Variants in KLHL32 observed in about 807,000 individuals in gnomAD.
KLHL32 encodes the protein kelch like family member 32, also known as kelch-like protein 32.
A neutral mutation model predicts 64.8 loss-of-function variants in KLHL32; 35 were observed. That is an observed-to-expected ratio of 0.54 (90% CI 0.41 to 0.72). KLHL32 has a LOEUF of 0.72. KLHL32 is among the 30% of genes least tolerant of loss of function. KLHL32 has a pLI of 0.00. For missense variants in KLHL32, 589 were observed against 768.5 expected (o/e 0.77, Z 2.76); for synonymous variants, 259 against 281.0 (o/e 0.92, Z 0.78).
At chr6:97,100,799 C>CTTTTTTTTTT (rs763909891) in intron 6 of KLHL32, among the ~76,000 whole-genome samples, 4 of 96,270 alleles carry the variant, frequency 4.2e-5, no homozygotes, top group East Asian at 3.1e-4. Flanking sequence ...GCTCATTATT[C>CTTTTTTTTTT]TTTTTTTTTT....
At chr6:96,918,656 A>AG in the KLHL32 span, among the ~76,000 whole-genome samples, 1 of 152,230 alleles carries the variant, frequency 6.6e-6, no homozygotes, top group African/African-American at 2.4e-5. Flanking sequence ...TTCCATGATA[A>AG]GTGGCCTAAA....
At chr6:96,988,773 C>A (rs1777454556) in intron 3 of KLHL32, among the ~76,000 whole-genome samples, 3 of 152,118 alleles carry the variant, frequency 2.0e-5, no homozygotes, top group Non-Finnish European at 4.4e-5. Flanking sequence ...ACTATGCAAC[C>A]ATAAAAAAGG....
At chr6:97,056,097 TTTTTTTTTC>T (rs549395058) in intron 4 of KLHL32, among the ~76,000 whole-genome samples, 11,642 of 126,664 alleles carry the variant, frequency 0.092, 572 homozygotes, top group African/African-American at 0.14. Flanking sequence ...TTTTTTTTTC[TTTTTTTTTC>T]TTTTTTTTTT....
At chr6:97,016,235 T>C (rs1781172426) in intron 3 of KLHL32, among the ~76,000 whole-genome samples, 1 of 152,208 alleles carries the variant, frequency 6.6e-6, no homozygotes, top group Non-Finnish European at 1.5e-5. Flanking sequence ...ACTGACAGCT[T>C]GCACTGTGTG....
chr6:97,023,238 G>GT (rs1478059834), intron 3 of KLHL32, among the ~76,000 whole-genome samples: 2 of 152,280 alleles, frequency 1.3e-5, no homozygotes, highest in Non-Finnish European at 2.9e-5. Flanking sequence ...CACAATTTAG[G>GT]TTTTTTAAAA....
intron 3 of KLHL32, among the ~76,000 whole-genome samples, chr6:97,016,640 G>A (rs1180358207): frequency 1.3e-5 from 2 of 152,184 alleles, no homozygotes; most frequent in African/African-American, 4.8e-5. Context: ...GTTGGATTGA[G>A]TTAAGACTTT....
intron 4 of KLHL32, among the ~76,000 whole-genome samples, chr6:97,045,203 C>G (rs1785740792): frequency 1.3e-5 from 2 of 152,152 alleles, no homozygotes; most frequent in Admixed American, 1.3e-4. Context: ...ATCACAAATT[C>G]AAGATTAGCC....
At chr6:96,932,850 T>A (rs1333298117) in intron 1 of KLHL32, among the ~76,000 whole-genome samples, 1 of 152,130 alleles carries the variant, frequency 6.6e-6, no homozygotes, top group East Asian at 1.9e-4. Context: ...GAATTAGAGA[T>A]CTGAGCCACT....
rs1261937136 is a variant in KLHL32 at position 97,132,644 on chromosome 6, T to G, written c.1607-9T>G. ...TTTTTTTCTTTTTATTCAATTCTCT[T>G]TACTTTAGGCCAAAATGAATCTGGA... On this transcript the variant is annotated splice_polypyrimidine_tract_variant and intron_variant, in intron 9 of 10. Transcript: ENST00000369261. 1 of 1,589,930 alleles carries G rather than the reference T, an allele frequency of 6.3e-7. No homozygotes were observed. Among genetic ancestry groups the G allele is most frequent in the Non-Finnish European group, 8.6e-7 (1 of 1,163,040 alleles).
intron 3 of KLHL32, among the ~76,000 whole-genome samples, chr6:97,032,790 G>A (rs1766458): frequency 0.18 from 26,705 of 152,124 alleles, 2,809 homozygotes; most frequent in African/African-American, 0.3. Flanking sequence ...TTCTTTCAAG[G>A]AGTTCAGAAG....
At chr6:96,982,847 C>T (rs1170600757) in intron 3 of KLHL32, among the ~76,000 whole-genome samples, 1 of 152,274 alleles carries the variant, frequency 6.6e-6, no homozygotes, top group Non-Finnish European at 1.5e-5. Flanking sequence ...TTGACTTCCT[C>T]TTTTTCTAAT....
At chr6:97,085,853 G>A (rs962037639) in intron 6 of KLHL32, among the ~76,000 whole-genome samples, 2 of 152,124 alleles carry the variant, frequency 1.3e-5, no homozygotes, top group Admixed American at 1.3e-4. Context: ...AGTTCATTCT[G>A]CATTCATTGC....
intron 3 of KLHL32, among the ~76,000 whole-genome samples, chr6:97,007,771 C>G (rs1041987783): frequency 2.0e-5 from 3 of 152,162 alleles, no homozygotes; most frequent in Non-Finnish European, 4.4e-5. Context: ...CTCAGCACTC[C>G]TGGACTATGT....
At chr6:97,083,954 A>G (rs73505011) in intron 5 of KLHL32, among the ~76,000 whole-genome samples, 3,999 of 152,224 alleles carry the variant, frequency 0.026, 164 homozygotes, top group African/African-American at 0.092. Context: ...AAGACTCACA[A>G]AGCCCATCTG....
At chr6:96,926,540 A>G (rs968019119) in intron 1 of KLHL32, among the ~76,000 whole-genome samples, 10 of 152,230 alleles carry the variant, frequency 6.6e-5, no homozygotes, top group South Asian at 2.1e-4. Flanking sequence ...GGTCACAGCT[A>G]GTGAATGGGG....
chr6:96,904,624 G>T, the KLHL32 span, among the ~76,000 whole-genome samples: 1 of 152,048 alleles, frequency 6.6e-6, no homozygotes, highest in Non-Finnish European at 1.5e-5. Context: ...TTGTAATAGC[G>T]TTTTTAATGA....
At chr6:97,008,058 C>T (rs1050710402) in intron 3 of KLHL32, among the ~76,000 whole-genome samples, 2 of 152,114 alleles carry the variant, frequency 1.3e-5, no homozygotes, top group African/African-American at 4.8e-5. Flanking sequence ...GCTGCACCTC[C>T]TCATGCAGGT....
chr6:96,973,730 C>CTCT (rs1554208428), intron 2 of KLHL32, among the ~76,000 whole-genome samples: 2 of 118,262 alleles, frequency 1.7e-5, no homozygotes, highest in Admixed American at 8.4e-5. Flanking sequence ...TACAGATTGC[C>CTCT]TTTTTTTTTT....
In KLHL32 at chr6:96,978,136, AT is replaced by A. The variant is rs1222154420; in HGVS notation, c.204+1968del. On this transcript the variant is annotated intron_variant, in intron 3 of 10. Transcript: ENST00000369261. ...TTAGGTTTCAGCATTTCAGTATTGG[AT>A]TTTTTTTTGAACTTTTATTTTAGGT... Among the ~76,000 whole-genome samples the A allele has an allele frequency of 2.1e-4, 31 of 151,202 alleles. No individual in the cohort carries two copies. In the South Asian group the frequency reaches 4.8e-3, roughly 24 times the overall value.
Sources: allele counts gnomAD v4.1 joint callset (sites outside exome capture counted in the v4.1 genomes callset), GRCh38; gene constraint gnomAD v4.1.1; transcripts MANE v1.5; gene names NCBI Gene and HGNC (gene_info 2026-07-23, HGNC 2026-07-21).